SLIT2: variants seen among roughly 807,000 people sequenced by gnomAD.
SLIT2 encodes slit homolog 2 protein.
A neutral mutation model predicts 185.7 loss-of-function variants in SLIT2; 41 were observed. That is an observed-to-expected ratio of 0.22 (90% CI 0.17 to 0.29). The LOEUF is 0.29. Among genes scored for constraint, SLIT2 ranks in the 10% least tolerant of loss-of-function variants. SLIT2 has a pLI of 1.00. For synonymous variants in SLIT2, 693 were observed against 680.2 expected, an observed-to-expected ratio of 1.02 and a Z score of -0.29; for missense variants, 1,571 against 1,909.0, an observed-to-expected ratio of 0.82 and a Z score of 3.30.
At chr4:20,425,974 A>G (rs1409127053) in intron 4 of SLIT2, among the ~76,000 whole-genome samples, 1 of 151,954 alleles carries the variant, frequency 6.6e-6, no homozygotes, top group Non-Finnish European at 1.5e-5. Context: ...TCAGTTTGGG[A>G]TTTGCTGTCA....
rs780300734 is a variant in SLIT2 at position 20,510,486 on chromosome 4, T to G, written c.915-9T>G. The G allele has an allele frequency of 5.6e-6, 9 of 1,598,290 alleles. No individual in the cohort carries two copies. Among genetic ancestry groups the G allele is most frequent in the Admixed American group, 3.3e-5 (2 of 59,720 alleles). On this transcript the variant is annotated splice_polypyrimidine_tract_variant and intron_variant, in intron 9 of 36. Coordinates refer to ENST00000504154, the MANE Select transcript of SLIT2 (RefSeq NM_004787.4). The stretch of plus-strand genomic sequence containing the variant: ...TTCCATTTAAAAGTTGAATTTTTTT[T>G]CATTGCAGACGTTTGGAACAGAACA...
intron 4 of SLIT2, among the ~76,000 whole-genome samples, chr4:20,315,364 C>T (rs1718486063): frequency 6.6e-6 from 1 of 151,994 alleles, no homozygotes; most frequent in African/African-American, 2.4e-5. Flanking sequence ...GTAGATATTT[C>T]AAAGATAAAC....
At chr4:20,388,955 T>G (rs1725184344) in intron 4 of SLIT2, among the ~76,000 whole-genome samples, 2 of 122,768 alleles carry the variant, frequency 1.6e-5, no homozygotes, top group African/African-American at 5.7e-5. Flanking sequence ...CATGTATATA[T>G]GTCAAAAAAT....
At chr4:20,307,369 C>G (rs1342521111) in intron 4 of SLIT2, among the ~76,000 whole-genome samples, 1 of 151,234 alleles carries the variant, frequency 6.6e-6, no homozygotes, top group African/African-American at 2.4e-5. Context: ...CTCAAGCCAT[C>G]CTCCTGCCTC....
intron 5 of SLIT2, among the ~76,000 whole-genome samples, chr4:20,472,555 GATATATATCT>G (rs1412618001): frequency 0.029 from 173 of 6,032 alleles, 70 homozygotes; most frequent in African/African-American, 0.15. Context: ...TCTATATATA[GATATATATCT>G]ATATATAGAT....
intron 4 of SLIT2, among the ~76,000 whole-genome samples, chr4:20,374,889 A>G (rs560211276): frequency 4.7e-4 from 71 of 152,226 alleles, no homozygotes; most frequent in Non-Finnish European, 8.2e-4. Flanking sequence ...TGATAACTCT[A>G]AAAACCACAA....
chr4:20,606,058 A>G (rs771726684), intron 33 of SLIT2, among the ~76,000 whole-genome samples: 1 of 152,126 alleles, frequency 6.6e-6, no homozygotes, highest in Non-Finnish European at 1.5e-5. Context: ...CCACTGCTTT[A>G]ATTTTAAACG....
At chr4:20,594,807 G>A (rs750195403) in intron 30 of SLIT2, among the ~76,000 whole-genome samples, 8 of 152,172 alleles carry the variant, frequency 5.3e-5, no homozygotes, top group Non-Finnish European at 1.2e-4. Flanking sequence ...TTTGATTCCT[G>A]GCTGTGGCAC....
intron 33 of SLIT2, among the ~76,000 whole-genome samples, chr4:20,608,819 A>G (rs1194587884): frequency 6.6e-6 from 1 of 152,190 alleles, no homozygotes; most frequent in East Asian, 1.9e-4. Context: ...CTAGAAATTT[A>G]AGCAGTCATC....
chr4:20,487,307 A>T (rs905620038), intron 7 of SLIT2, among the ~76,000 whole-genome samples: 1 of 152,136 alleles, frequency 6.6e-6, no homozygotes, highest in Admixed American at 6.5e-5. Flanking sequence ...GAATAAGACT[A>T]ATCTGACAGA....
Position 20,567,632 on chromosome 4 carries a change from T to C in SLIT2, c.2948+17T>C. On this transcript the variant is annotated intron_variant, in intron 28 of 36. Transcript: ENST00000504154. ...TGGATTCTGGTAGGTCATTAGTCTA[T>C]GACCATCTGTGTCTGAAGTATTGGA... 2 of 1,558,364 alleles carry C rather than the reference T, an allele frequency of 1.3e-6. No homozygotes were observed. The highest frequency in any genetic ancestry group is 8.9e-7 in the Non-Finnish European group (1 of 1,129,248).
intron 33 of SLIT2, among the ~76,000 whole-genome samples, chr4:20,606,691 TAATTGGGA>T (rs1376807261): frequency 6.6e-6 from 1 of 152,206 alleles, no homozygotes; most frequent in South Asian, 2.1e-4. Flanking sequence ...ATCTCACTCA[TAATTGGGA>T]AAATAAAATC....
At position 20,596,596 on chromosome 4, in the gene SLIT2, G is replaced by A; in HGVS notation, c.3502G>A (p.Glu1168Lys). The A allele has an allele frequency of 6.2e-7, 1 of 1,613,894 alleles. No homozygotes were observed. The highest frequency in any genetic ancestry group is 8.5e-7 in the Non-Finnish European group (1 of 1,179,886). ...GGTTAGTGTGAATTTTATAAACAAA[G>A]AGTCTTATCTTCAGATTCCTTCAGC... is the stretch of plus-strand genomic sequence containing the variant. ...KLVSVNFINK[E>K]SYLQIPSAKV... The change falls in exon 32 of 37, where the codon GAG (glutamate) becomes AAG (lysine). Residue 1168 changes from glutamate to lysine, a missense_variant. Coordinates refer to ENST00000504154, the MANE Select transcript of SLIT2 (RefSeq NM_004787.4).
Position 20,618,901 on chromosome 4 carries a change from G to T in SLIT2, c.4482G>T (p.Pro1494=). The change falls in exon 37 of 37, where the codon CCG becomes CCT. Residue 1494 remains proline (P), a synonymous_variant. Coordinates refer to ENST00000504154, the MANE Select transcript of SLIT2 (RefSeq NM_004787.4). ...GGCAGGQCCG[P]LRSKRRKYSF... ...GTGCAGGAGGGCAGTGCTGTGGACC[G>T]CTGAGGAGCAAGCGGCGGAAATACT... is the stretch of plus-strand genomic sequence containing the variant. The T allele has an allele frequency of 6.2e-7, 1 of 1,614,114 alleles. No individual in the cohort carries two copies. The highest frequency in any genetic ancestry group is 8.5e-7 in the Non-Finnish European group (1 of 1,180,012).
intron 4 of SLIT2, among the ~76,000 whole-genome samples, chr4:20,408,628 A>T (rs1332076316): frequency 6.6e-6 from 1 of 152,068 alleles, no homozygotes; most frequent in Non-Finnish European, 1.5e-5. Context: ...CTACTGGATT[A>T]TAAGTTACTT....
chr4:20,279,430 T>C (rs778822711), intron 4 of SLIT2, among the ~76,000 whole-genome samples: 14 of 152,202 alleles, frequency 9.2e-5, no homozygotes, highest in Non-Finnish European at 1.6e-4. Context: ...CCTCCTCATA[T>C]GGGCCTCAGC....
chr4:20,275,440 T>C (rs1273748868), intron 4 of SLIT2, among the ~76,000 whole-genome samples: 11 of 152,180 alleles, frequency 7.2e-5, no homozygotes, highest in Admixed American at 7.2e-4. Context: ...TTTTCAAGTA[T>C]GATAGAAACT....
intron 9 of SLIT2, among the ~76,000 whole-genome samples, chr4:20,492,820 A>C (rs2148799194): frequency 6.6e-6 from 1 of 152,288 alleles, no homozygotes; most frequent in South Asian, 2.1e-4. Context: ...TATGATAATA[A>C]AGTAACTTAT....
intron 4 of SLIT2, among the ~76,000 whole-genome samples, chr4:20,445,039 G>A (rs975160756): frequency 4.6e-5 from 7 of 152,056 alleles, no homozygotes; most frequent in Middle Eastern, 3.2e-3. Context: ...AAATGGAGCC[G>A]CAATGGGGTG....
Sources: allele counts gnomAD v4.1 joint callset (sites outside exome capture counted in the v4.1 genomes callset), GRCh38; gene constraint gnomAD v4.1.1; transcripts MANE v1.5; gene names NCBI Gene and HGNC (gene_info 2026-07-23, HGNC 2026-07-21).